The following PRKCB variants were observed in gnomAD, a reference collection of about 807,000 sequenced individuals.
The protein encoded by PRKCB is protein kinase C beta.
PRKCB carries 13 observed loss-of-function variants against 81.5 expected under a neutral mutation model. The observed-to-expected ratio is 0.16, with a 90% CI of 0.10 to 0.25. The LOEUF (loss-of-function observed/expected upper bound fraction) is 0.25, where lower values mean the gene tolerates loss of function less well. PRKCB is among the 10% of genes least tolerant of loss of function. The pLI is 1.00. For missense variants in PRKCB, 509 were observed against 875.7 expected (o/e 0.58, Z 5.29); for synonymous variants, 335 against 321.4 (o/e 1.04, Z -0.45).
chr16:23,915,793 A>T (rs1463862336), intron 2 of PRKCB, among the ~76,000 whole-genome samples: 1 of 151,592 alleles, frequency 6.6e-6, no homozygotes, highest in Non-Finnish European at 1.5e-5. Flanking sequence ...TAGAACAATT[A>T]GAAAATGAAG....
chr16:24,204,272 AC>A (rs1968009048), intron 16 of PRKCB, among the ~76,000 whole-genome samples: 1 of 152,094 alleles, frequency 6.6e-6, no homozygotes, highest in Admixed American at 6.6e-5. Context: ...CAGGATTGGT[AC>A]CCAGGTTAGC....
chr16:24,042,541 A>T (rs972955843), intron 5 of PRKCB, among the ~76,000 whole-genome samples: 2 of 152,208 alleles, frequency 1.3e-5, no homozygotes, highest in Admixed American at 6.5e-5. Context: ...ACACTTGCTT[A>T]ATCACATTTC....
chr16:23,893,277 A>T (rs1963322274), intron 2 of PRKCB: 1 of 152,290 alleles, frequency 6.6e-6, no homozygotes, highest in Non-Finnish European at 1.5e-5. Flanking sequence ...ACTTGGAGCC[A>T]ATAAATTGGC....
chr16:24,176,685 G>T (rs1006039942), intron 12 of PRKCB, among the ~76,000 whole-genome samples: 3 of 152,160 alleles, frequency 2.0e-5, no homozygotes, highest in Non-Finnish European at 4.4e-5. Context: ...CTGAGGTCAG[G>T]AGTTGGTGAC....
intron 3 of PRKCB, 79 bp downstream of exon 3, chr16:23,988,669 G>C (rs775405183): frequency 1.2e-4 from 161 of 1,294,994 alleles, no homozygotes; most frequent in Non-Finnish European, 1.7e-4. Context: ...AGCATTCTTA[G>C]ACGAGTAAGT....
intron 10 of PRKCB, among the ~76,000 whole-genome samples, chr16:24,161,450 G>A (rs981901324): frequency 6.6e-6 from 1 of 152,110 alleles, no homozygotes; most frequent in Non-Finnish European, 1.5e-5. Flanking sequence ...GGGGTCTGTG[G>A]ATAAGTGCCT....
intron 5 of PRKCB, among the ~76,000 whole-genome samples, chr16:24,071,412 T>C (rs947874458): frequency 2.4e-5 from 3 of 125,312 alleles, no homozygotes; most frequent in Admixed American, 9.9e-5. Context: ...GAGACTAGCC[T>C]GGGTAACATG....
At chr16:24,112,938 C>T (rs1339457712) in intron 7 of PRKCB, 35 bp from the exon 8 acceptor site, 9 of 1,414,880 alleles carry the variant, frequency 6.4e-6, no homozygotes, top group Admixed American at 5.7e-5. Context: ...CGAGTCGAGT[C>T]ATGAAATGTG....
At chr16:24,035,278 G>A in intron 4 of PRKCB, 141 bp from the exon 5 acceptor site, 3 of 1,069,190 alleles carry the variant, frequency 2.8e-6, no homozygotes, top group South Asian at 1.6e-5. Context: ...TGGCAGGCAA[G>A]TTGGTCTCAG....
At chr16:23,870,665 A>G (rs1315682422) in intron 2 of PRKCB, among the ~76,000 whole-genome samples, 2 of 152,338 alleles carry the variant, frequency 1.3e-5, no homozygotes, top group East Asian at 1.9e-4. Context: ...ATCAGGACCT[A>G]CCTGCACGTA....
At chr16:24,208,728 A>G (rs1968085939) in intron 16 of PRKCB, among the ~76,000 whole-genome samples, 1 of 152,050 alleles carries the variant, frequency 6.6e-6, no homozygotes, top group Non-Finnish European at 1.5e-5. Context: ...CCCATACTTC[A>G]AGGACACAGC....
At chr16:23,855,870 G>A (rs1567291168) in intron 2 of PRKCB, among the ~76,000 whole-genome samples, 1 of 152,226 alleles carries the variant, frequency 6.6e-6, no homozygotes, top group Admixed American at 6.5e-5. Flanking sequence ...CCCTTCTTCA[G>A]GGGAGGAGTC....
At chr16:23,846,858 G>A (rs1371004987) in intron 2 of PRKCB, among the ~76,000 whole-genome samples, 1 of 152,122 alleles carries the variant, frequency 6.6e-6, no homozygotes, top group South Asian at 2.1e-4. Context: ...ATCTGGTAGA[G>A]ATGTCGCTTT....
intron 16 of PRKCB, among the ~76,000 whole-genome samples, chr16:24,195,555 T>A (rs1967866216): frequency 6.6e-6 from 1 of 152,218 alleles, no homozygotes; most frequent in Admixed American, 6.5e-5. Flanking sequence ...AAAATAACTT[T>A]AAATGGGTTT....
chr16:24,105,605 T>C (rs918495485), intron 7 of PRKCB, among the ~76,000 whole-genome samples: 2 of 152,172 alleles, frequency 1.3e-5, no homozygotes, highest in Non-Finnish European at 2.9e-5. Context: ...ATTGTTCAAC[T>C]TATGAGTGAG....
intron 2 of PRKCB, among the ~76,000 whole-genome samples, chr16:23,910,639 A>T (rs1371901004): frequency 6.6e-6 from 1 of 151,426 alleles, no homozygotes; most frequent in Non-Finnish European, 1.5e-5. Context: ...AATCCCATTT[A>T]AAAATAATGT....
chr16:24,081,595 C>T lies in PRKCB; in HGVS notation c.530-11196C>T, dbSNP rs189609053. ...AAAATTTTTAAAGGCATGTGGGGCT[C>T]GGCTCGGTGGCTCATGCCTGTAATC... On this transcript the variant is annotated intron_variant, in intron 5 of 16. Transcript: ENST00000643927. Among the ~76,000 whole-genome samples, 24 of 152,192 alleles carry T rather than the reference C, an allele frequency of 1.6e-4. No homozygotes were observed. The East Asian group carries it at 3.9e-3, about 24-fold the overall frequency.
chr16:24,042,387 A>T (rs78898340), intron 5 of PRKCB, among the ~76,000 whole-genome samples: 1 of 116,010 alleles, frequency 8.6e-6, no homozygotes, highest in African/African-American at 3.2e-5. Flanking sequence ...ACACACAGAT[A>T]GGGCCCAGTT....
At position 24,179,020 on chromosome 16, in the gene PRKCB, A is replaced by G. The variant is rs73548575; in HGVS notation, c.1395-1770A>G. 8.0e-3 allele frequency among the ~76,000 whole-genome samples: 1,214 copies of G among 152,280 alleles called. 12 individuals are homozygous for G. The highest frequency in any genetic ancestry group is 0.028 in the African/African-American group (1,143 of 41,562). ...CTCTAGGCTCTGCTTTCTCTATATT[A>G]GATTGCTTCTTTTCATCTGGTGACC... On this transcript the variant is annotated intron_variant, in intron 12 of 16. Transcript: ENST00000643927.
Sources: allele counts gnomAD v4.1 joint callset (sites outside exome capture counted in the v4.1 genomes callset), GRCh38; gene constraint gnomAD v4.1.1; transcripts MANE v1.5; gene names NCBI Gene and HGNC (gene_info 2026-07-23, HGNC 2026-07-21).